The following PAX2 variants were observed in gnomAD, a reference collection of about 807,000 sequenced individuals.
The protein encoded by PAX2 is paired box 2, also known as paired box protein Pax-2.
PAX2 carries 9 observed loss-of-function variants against 41.7 expected under a neutral mutation model. The ratio of observed to expected loss-of-function variants is 0.22; its 90% CI spans 0.13 to 0.38. The LOEUF is 0.38. PAX2 is among the 10% of genes least tolerant of loss of function. The pLI is 1.00. For missense variants in PAX2, 418 were observed against 531.6 expected, an observed-to-expected ratio of 0.79 and a Z score of 2.10; for synonymous variants, 221 against 212.7, an observed-to-expected ratio of 1.04 and a Z score of -0.34.
chr10:100,743,561 C>T (rs989513641), upstream of PAX2, among the ~76,000 whole-genome samples: 1 of 152,196 alleles, frequency 6.6e-6, no homozygotes, highest in African/African-American at 2.4e-5. Flanking sequence ...GACCCTTTCT[C>T]AACGTTCCTT....
intron 3 of PAX2, among the ~76,000 whole-genome samples, chr10:100,777,769 T>G (rs1385872633): frequency 2.0e-5 from 3 of 152,230 alleles, no homozygotes; most frequent in African/African-American, 7.2e-5. Context: ...AGGATAATAG[T>G]CTCTACTTTG....
chr10:100,782,867 C>G (rs1054928106), intron 5 of PAX2, among the ~76,000 whole-genome samples: 2 of 152,246 alleles, frequency 1.3e-5, no homozygotes, highest in African/African-American at 4.8e-5. Context: ...CTTGGCACCC[C>G]AAGTGCTTTG....
chr10:100,800,687 C>G, intron 5 of PAX2, among the ~76,000 whole-genome samples: 1 of 152,176 alleles, frequency 6.6e-6, no homozygotes, highest in East Asian at 1.9e-4. Context: ...GTCTCCCTCC[C>G]CAAGCTGCTG....
At chr10:100,797,449 C>T (rs1379430401) in intron 5 of PAX2, among the ~76,000 whole-genome samples, 2 of 152,172 alleles carry the variant, frequency 1.3e-5, no homozygotes, top group African/African-American at 4.8e-5. Flanking sequence ...CTTTCATTTC[C>T]CCATCTACAA....
chr10:100,795,096 A>G (rs1298857024), intron 5 of PAX2, among the ~76,000 whole-genome samples: 3 of 152,236 alleles, frequency 2.0e-5, no homozygotes, highest in Non-Finnish European at 4.4e-5. Flanking sequence ...GGAACTACTG[A>G]GCCCAACAGC....
chr10:100,820,006 A>G (rs1450454357), intron 7 of PAX2, among the ~76,000 whole-genome samples: 2 of 152,256 alleles, frequency 1.3e-5, no homozygotes, highest in African/African-American at 4.8e-5. Flanking sequence ...ATCCTCATCA[A>G]GTACAGTGCT....
chr10:100,771,948 A>G (rs536792746), intron 3 of PAX2, among the ~76,000 whole-genome samples: 74 of 152,148 alleles, frequency 4.9e-4, no homozygotes, highest in African/African-American at 1.8e-3. Context: ...CAGGGATTAC[A>G]GGCATCCGCC....
rs546505132 is a variant in PAX2, at chr10:100,749,926, G to A, written c.212+12G>A. The A allele has an allele frequency of 2.5e-4, 403 of 1,610,424 alleles. 1 individual carries two copies. The highest frequency in any genetic ancestry group is 1.1e-4 in the Non-Finnish European group (126 of 1,179,498). ...AAAATCCTGGGCAGGTGAGGGCTTCGCAGCTGTCCCGGGAGACGCCTTGCC... is the reference window on the plus strand; with the variant it reads ...AAAATCCTGGGCAGGTGAGGGCTTCACAGCTGTCCCGGGAGACGCCTTGCC... On this transcript the variant is annotated intron_variant, in intron 2 of 9. Transcript: ENST00000355243.
chr10:100,827,469 G>T lies in PAX2; in HGVS notation c.1109-74G>T, dbSNP rs1848615079. 3 of 1,486,204 alleles carry T rather than the reference G, an allele frequency of 2.0e-6. No homozygotes were observed. The highest frequency in any genetic ancestry group is 2.8e-6 in the Non-Finnish European group (3 of 1,064,140). The allele number at this position is 1,486,204 out of a possible 1,614,324, so 92.1% of individuals were successfully genotyped here. A position where few individuals can be genotyped will look rare whatever the true frequency, so the allele number is the denominator to read the frequency against. ...ACCCCAGCCAGGGGAGGTCTTTTCT[G>T]TGCTTTTCTTTCCTTTTTTGTTCTC... On this transcript the variant is annotated intron_variant, in intron 9 of 9. Coordinates refer to ENST00000355243, the MANE Select transcript of PAX2 (RefSeq NM_000278.5). This position sits in a 1 kb window ranked among gnomAD's most constrained non-coding sequence, Gnocchi z 8.5.
exon 1 of PAX2, chr10:100,735,645 G>C (rs982351964): frequency 1.2e-5 from 13 of 1,057,876 alleles, no homozygotes; most frequent in Non-Finnish European, 1.4e-5. Flanking sequence ...ACGCGTTGTC[G>C]GGCCGCGGAG....
At chr10:100,768,809 C>A (rs906365989) in intron 3 of PAX2, among the ~76,000 whole-genome samples, 2 of 152,156 alleles carry the variant, frequency 1.3e-5, no homozygotes, top group Admixed American at 6.5e-5. Flanking sequence ...ACCAAACAAA[C>A]AATTTCTGGC....
At chr10:100,738,571 C>T (rs891550423) in intron 1 of PAX2, among the ~76,000 whole-genome samples, 14 of 152,328 alleles carry the variant, frequency 9.2e-5, no homozygotes, top group African/African-American at 3.4e-4. Context: ...ATCAGAAATT[C>T]TCCTTAATTG....
chr10:100,827,790 G>GA lies in PAX2; in HGVS notation c.*173dup, dbSNP rs1848637004. The stretch of plus-strand genomic sequence containing the variant: ...CGCAACCCTTCACATCACCCCCCTC[G>GA]AAGGTCGGACAGGACGGGTGGAGCC... On this transcript the variant is annotated 3_prime_UTR_variant, in exon 10 of 10. Coordinates refer to ENST00000355243, the MANE Select transcript of PAX2 (RefSeq NM_000278.5). The surrounding 1 kb of genome is among the most constrained non-coding windows in gnomAD (Gnocchi z 8.5). 1 of 997,380 alleles carries GA rather than the reference G, an allele frequency of 1.0e-6. No individual in the cohort carries two copies. The highest frequency in any genetic ancestry group is 2.1e-5 in the Admixed American group (1 of 47,328). The allele number at this position is 997,380 out of a possible 1,614,324, so 61.8% of individuals were successfully genotyped here. A position where few individuals can be genotyped will look rare whatever the true frequency, so the allele number is the denominator to read the frequency against.
At chr10:100,759,589 C>T (rs1194053377) in intron 3 of PAX2, among the ~76,000 whole-genome samples, 2 of 152,220 alleles carry the variant, frequency 1.3e-5, no homozygotes, top group Non-Finnish European at 2.9e-5. Flanking sequence ...TGCCTGCCCT[C>T]AGTCCTGCCT....
chr10:100,772,100 C>T (rs77136923), intron 3 of PAX2, among the ~76,000 whole-genome samples: 13,234 of 151,842 alleles, frequency 0.087, 1,667 homozygotes, highest in African/African-American at 0.28. Flanking sequence ...CCACTGTGCC[C>T]GGCCACAAAT....
rs769551726 is a variant in PAX2 at position 100,749,929 on chromosome 10, G to C, written c.212+15G>C. 2.5e-6 allele frequency: 4 copies of C among 1,609,744 alleles called. No individual in the cohort carries two copies. Among genetic ancestry groups the C allele is most frequent in the Non-Finnish European group, 3.4e-6 (4 of 1,179,232 alleles). On this transcript the variant is annotated intron_variant, in intron 2 of 9. Transcript: ENST00000355243. ...ATCCTGGGCAGGTGAGGGCTTCGCA[G>C]CTGTCCCGGGAGACGCCTTGCCTAC...
intron 3 of PAX2, among the ~76,000 whole-genome samples, chr10:100,754,531 G>T (rs1451035722): frequency 3.3e-5 from 5 of 152,210 alleles, no homozygotes; most frequent in African/African-American, 1.2e-4. Flanking sequence ...TCTCCTAGCA[G>T]TGGCAACCCA....
At chr10:100,816,724 C>A (rs1848198011) in intron 7 of PAX2, among the ~76,000 whole-genome samples, 2 of 152,168 alleles carry the variant, frequency 1.3e-5, no homozygotes. Context: ...CAACCCTGAG[C>A]TTTGGGAGAC....
At chr10:100,771,811 CTT>C (rs35627308) in intron 3 of PAX2, among the ~76,000 whole-genome samples, 5 of 148,624 alleles carry the variant, frequency 3.4e-5, no homozygotes, top group Non-Finnish European at 6.0e-5. Flanking sequence ...CAAATATCTT[CTT>C]TTTTTTTTTT....
Sources: allele counts gnomAD v4.1 joint callset (sites outside exome capture counted in the v4.1 genomes callset), GRCh38; gene constraint gnomAD v4.1.1; non-coding constraint Gnocchi (gnomAD v3.1); transcripts MANE v1.5; gene names NCBI Gene and HGNC (gene_info 2026-07-23, HGNC 2026-07-21).